Variants in SLIT3 observed in about 807,000 individuals in gnomAD.
The protein encoded by SLIT3 is slit homolog 3 protein.
Under a neutral mutation model 184.0 loss-of-function variants are expected in SLIT3, and 68 were observed. The observed-to-expected ratio is 0.37, with a 90% CI of 0.30 to 0.45. The LOEUF is 0.45. SLIT3 is among the 20% of genes least tolerant of loss of function. The probability of loss-of-function intolerance (pLI) is 1.00; values close to 1 mark genes in which losing one functional copy is unlikely to be tolerated. For synonymous variants in SLIT3, 831 were observed against 828.6 expected, an observed-to-expected ratio of 1.00 and a Z score of -0.05; for missense variants, 1,707 against 2,026.0, an observed-to-expected ratio of 0.84 and a Z score of 3.02.
At chr5:168,840,577 C>G (rs1374266947) in intron 6 of SLIT3, among the ~76,000 whole-genome samples, 1 of 152,048 alleles carries the variant, frequency 6.6e-6, no homozygotes, top group Non-Finnish European at 1.5e-5. Flanking sequence ...CACAGTGCAT[C>G]CTGACCACAC....
intron 31 of SLIT3, among the ~76,000 whole-genome samples, chr5:168,684,814 T>C (rs1350200116): frequency 1.3e-5 from 2 of 151,992 alleles, no homozygotes; most frequent in Non-Finnish European, 2.9e-5. Flanking sequence ...ATTAATTCAA[T>C]GTTTGCTAGG....
At chr5:169,194,910 G>C (rs139195661) in intron 3 of SLIT3, among the ~76,000 whole-genome samples, 2 of 152,164 alleles carry the variant, frequency 1.3e-5, no homozygotes, top group Non-Finnish European at 2.9e-5. Flanking sequence ...ACGCCCTGCT[G>C]CATGCTAGCC....
intron 4 of SLIT3, among the ~76,000 whole-genome samples, chr5:168,895,138 AGT>A (rs1760617065): frequency 6.6e-6 from 1 of 152,190 alleles, no homozygotes; most frequent in Non-Finnish European, 1.5e-5. Flanking sequence ...GCCACTTCCT[AGT>A]GTCTACCCCA....
intron 32 of SLIT3, 51 bp downstream of exon 32, chr5:168,683,915 A>G (rs1582525348): frequency 4.3e-6 from 6 of 1,399,912 alleles, no homozygotes; most frequent in African/African-American, 1.5e-5. Context: ...GCCCAGAGGC[A>G]GAAGGATGCG....
chr5:168,789,285 G>A (rs1395053919), intron 11 of SLIT3, among the ~76,000 whole-genome samples: 1 of 151,666 alleles, frequency 6.6e-6, no homozygotes, highest in Non-Finnish European at 1.5e-5. Context: ...GGAGGGGGAC[G>A]TGAGGTTGGA....
intron 4 of SLIT3, among the ~76,000 whole-genome samples, chr5:168,933,403 A>C (rs1762057073): frequency 6.6e-6 from 1 of 152,172 alleles, no homozygotes; most frequent in Non-Finnish European, 1.5e-5. Flanking sequence ...TTAGTGGGGC[A>C]TGGTGGTATG....
chr5:169,105,136 C>G (rs974045129), intron 4 of SLIT3, among the ~76,000 whole-genome samples: 1 of 152,132 alleles, frequency 6.6e-6, no homozygotes, highest in Non-Finnish European at 1.5e-5. Flanking sequence ...TCCACAATTT[C>G]GATTTCCCCT....
intron 1 of SLIT3, among the ~76,000 whole-genome samples, chr5:169,295,731 C>T (rs896628613): frequency 2.0e-5 from 3 of 152,216 alleles, no homozygotes; most frequent in African/African-American, 7.2e-5. Flanking sequence ...CCAGGTGAGA[C>T]AGAACTCTGT....
At chr5:168,963,720 C>T (rs541401900) in intron 4 of SLIT3, among the ~76,000 whole-genome samples, 8 of 152,312 alleles carry the variant, frequency 5.3e-5, no homozygotes, top group South Asian at 2.1e-4. Context: ...GCAGTTGCTG[C>T]GAGACAAACC....
intron 4 of SLIT3, among the ~76,000 whole-genome samples, chr5:169,043,253 T>C (rs1757509338): frequency 6.6e-6 from 1 of 152,352 alleles, no homozygotes; most frequent in East Asian, 1.9e-4. Flanking sequence ...ATTTAGGTCT[T>C]GTTAGTAATT....
chr5:169,019,889 C>G (rs1435414974), intron 4 of SLIT3, among the ~76,000 whole-genome samples: 2 of 152,188 alleles, frequency 1.3e-5, no homozygotes, highest in African/African-American at 2.4e-5. Flanking sequence ...ACAGACATAA[C>G]TTTTTCAGTT....
At chr5:169,163,057 T>C (rs1487234453) in intron 4 of SLIT3, among the ~76,000 whole-genome samples, 1 of 151,998 alleles carries the variant, frequency 6.6e-6, no homozygotes, top group East Asian at 1.9e-4. Context: ...GCACGGTGGC[T>C]CACGCTTGTA....
At chr5:168,997,162 C>G (rs1042387643) in intron 4 of SLIT3, among the ~76,000 whole-genome samples, 1 of 152,124 alleles carries the variant, frequency 6.6e-6, no homozygotes, top group South Asian at 2.1e-4. Flanking sequence ...AGAGCGACAC[C>G]TGTACCTTCC....
chr5:169,180,327 C>T (rs1162565200), intron 4 of SLIT3, among the ~76,000 whole-genome samples: 1 of 152,246 alleles, frequency 6.6e-6, no homozygotes, highest in Non-Finnish European at 1.5e-5. Flanking sequence ...AGGACAAGTA[C>T]CAGGGGTCAG....
chr5:169,280,182 G>A (rs886747063), intron 1 of SLIT3, among the ~76,000 whole-genome samples: 5 of 152,216 alleles, frequency 3.3e-5, no homozygotes, highest in Non-Finnish European at 5.9e-5. Flanking sequence ...GAAAGGAGAG[G>A]TTGGACCAGC....
chr5:168,810,895 G>A lies in SLIT3; in HGVS notation c.794-4308C>T, dbSNP rs187002055. ...AAACTCTCACAGGGAAAGTCCCTGC[G>A]GCTGCTTGCATGGGTATTGTGCCCA... On this transcript the variant is annotated intron_variant, in intron 8 of 35. Transcript: ENST00000519560. Among the ~76,000 whole-genome samples the A allele has an allele frequency of 6.6e-5, 10 of 152,184 alleles. No homozygotes were observed. In the East Asian group the frequency reaches 1.6e-3, roughly 24 times the overall value.
intron 5 of SLIT3, among the ~76,000 whole-genome samples, chr5:168,859,560 G>A (rs1979924): frequency 4.6e-5 from 7 of 152,158 alleles, no homozygotes; most frequent in Non-Finnish European, 7.4e-5. Flanking sequence ...AAGAGATTTC[G>A]ATTTCACGTT....
intron 4 of SLIT3, among the ~76,000 whole-genome samples, chr5:169,140,308 C>CA (rs10536624): frequency 0.08 from 3,361 of 41,844 alleles, 887 homozygotes; most frequent in African/African-American, 0.1. Flanking sequence ...ACTAAAAATG[C>CA]AAAAAAAAAA....
chr5:168,994,160 G>A (rs115742508), intron 4 of SLIT3: 5,352 of 152,300 alleles, frequency 0.035, 118 homozygotes, highest in Middle Eastern at 0.051. Context: ...ACAGCTGGGT[G>A]GCTCCTCGGA....
Sources: allele counts gnomAD v4.1 joint callset (sites outside exome capture counted in the v4.1 genomes callset), GRCh38; gene constraint gnomAD v4.1.1; transcripts MANE v1.5; gene names NCBI Gene and HGNC (gene_info 2026-07-23, HGNC 2026-07-21).